The following TMEM156 variants were observed in gnomAD, a reference collection of about 807,000 sequenced individuals.
TMEM156 encodes transmembrane protein 156.
In TMEM156, 28 loss-of-function variants were observed where a neutral mutation model predicts 30.5. That is an observed-to-expected ratio of 0.92 (90% CI 0.68 to 1.26). The LOEUF (loss-of-function observed/expected upper bound fraction) is 1.26. TMEM156 is among the 50% of genes most tolerant of loss of function. TMEM156 has a pLI of 0.00. For missense variants in TMEM156, 351 were observed against 340.6 expected (o/e 1.03, Z -0.24); for synonymous variants, 137 against 119.9 (o/e 1.14, Z -0.93).
chr4:39,025,877 TAAC>T, intron 1 of TMEM156, among the ~76,000 whole-genome samples: 1 of 152,242 alleles, frequency 6.6e-6, no homozygotes, highest in Non-Finnish European at 1.5e-5. Context: ...AATATGAGGA[TAAC>T]ACTTGGCCTG....
chr4:38,985,290 C>G (rs865987574), intron 5 of TMEM156, among the ~76,000 whole-genome samples: 2 of 152,238 alleles, frequency 1.3e-5, no homozygotes, highest in South Asian at 4.1e-4. Context: ...CCACATTTAA[C>G]TGGTGTCAAA....
At chr4:39,002,663 A>G (rs1713450546) in intron 1 of TMEM156, among the ~76,000 whole-genome samples, 1 of 149,798 alleles carries the variant, frequency 6.7e-6, no homozygotes, top group Admixed American at 6.7e-5. Flanking sequence ...GACTGGATTA[A>G]GAAAATGTGG....
At chr4:38,974,787 C>T (rs1229061334) in intron 5 of TMEM156, among the ~76,000 whole-genome samples, 1 of 151,576 alleles carries the variant, frequency 6.6e-6, no homozygotes, top group Non-Finnish European at 1.5e-5. Flanking sequence ...CTTCCTGTCT[C>T]AGCCTCCCAA....
At chr4:39,002,684 C>T (rs1271033150) in intron 1 of TMEM156, among the ~76,000 whole-genome samples, 1 of 149,636 alleles carries the variant, frequency 6.7e-6, no homozygotes, top group Admixed American at 6.7e-5. Flanking sequence ...CACATATACG[C>T]CATGGAATAC....
chr4:39,018,417 T>C lies in TMEM156; in HGVS notation c.88+13809A>G, dbSNP rs1006781488. On this transcript the variant is annotated intron_variant, in intron 1 of 6. Coordinates refer to ENST00000381938, the MANE Select transcript of TMEM156 (RefSeq NM_024943.3). ...TTTAGATTTACTCACATGTTTATAA[T>C]TGTTGTTGAGGTTTTTTTCCCTGCC... Among the ~76,000 whole-genome samples, 44 of 152,206 alleles carry C rather than the reference T, an allele frequency of 2.9e-4. 1 individual carries two copies. Among genetic ancestry groups the C allele is most frequent in the Non-Finnish European group, 8.8e-5 (6 of 68,032 alleles).
At chr4:38,981,703 G>T (rs1415828177) in intron 5 of TMEM156, among the ~76,000 whole-genome samples, 1 of 152,178 alleles carries the variant, frequency 6.6e-6, no homozygotes, top group Non-Finnish European at 1.5e-5. Flanking sequence ...AAAAAAAACG[G>T]AGTTTTGAAA....
intron 6 of TMEM156, among the ~76,000 whole-genome samples, chr4:38,970,313 C>G (rs1310920534): frequency 6.6e-6 from 1 of 152,106 alleles, no homozygotes; most frequent in African/African-American, 2.4e-5. Flanking sequence ...GTTTAATATG[C>G]CCTTCATTAA....
At chr4:38,996,387 C>G (rs1214985718) in intron 2 of TMEM156, among the ~76,000 whole-genome samples, 1 of 150,218 alleles carries the variant, frequency 6.7e-6, no homozygotes, top group Non-Finnish European at 1.5e-5. Context: ...ATGGTGAAAC[C>G]CCGTCTCTAC....
At chr4:38,998,976 AC>A in intron 1 of TMEM156, 67 bp from the exon 2 acceptor site, 1 of 1,413,560 alleles carries the variant, frequency 7.1e-7, no homozygotes, top group South Asian at 1.4e-5. Context: ...TCAAATAAAT[AC>A]ACAGTATGCT....
chr4:38,978,988 C>G (rs1560356793), intron 5 of TMEM156, among the ~76,000 whole-genome samples: 1 of 152,174 alleles, frequency 6.6e-6, no homozygotes, highest in Non-Finnish European at 1.5e-5. Flanking sequence ...ACATCTGTTT[C>G]CTGTGATTTG....
In TMEM156 at chr4:39,015,901, T is replaced by C. The variant is rs1348145892; in HGVS notation, c.88+16325A>G. 5.3e-5 allele frequency among the ~76,000 whole-genome samples: 8 copies of C among 152,276 alleles called. No individual in the cohort carries two copies. In the East Asian group the frequency reaches 1.4e-3, roughly 26 times the overall value. The stretch of plus-strand genomic sequence containing the variant: ...CATTCCCTCTTTGCCTGCCACCAAG[T>C]ACAAAGTCCTTCCGCCTTCCACCAT... On this transcript the variant is annotated intron_variant, in intron 1 of 6. Coordinates refer to ENST00000381938, the MANE Select transcript of TMEM156 (RefSeq NM_024943.3).
chr4:38,969,032 T>A (rs1446715357), intron 6 of TMEM156, among the ~76,000 whole-genome samples: 1 of 152,224 alleles, frequency 6.6e-6, no homozygotes, highest in Non-Finnish European at 1.5e-5. Context: ...TGTTAACTTT[T>A]GTTCTATGTA....
intron 5 of TMEM156, among the ~76,000 whole-genome samples, chr4:38,984,251 T>C (rs1289128870): frequency 3.9e-5 from 6 of 152,124 alleles, no homozygotes; most frequent in Admixed American, 3.9e-4. Context: ...TGGTAATCTC[T>C]CCTTATTTCT....
chr4:38,982,173 T>TC (rs1711611204), intron 5 of TMEM156, among the ~76,000 whole-genome samples: 1 of 152,310 alleles, frequency 6.6e-6, no homozygotes, highest in South Asian at 2.1e-4. Flanking sequence ...TCTTCTGGAC[T>TC]CCATCTTTCT....
intron 2 of TMEM156, among the ~76,000 whole-genome samples, chr4:38,997,701 A>G (rs1713029439): frequency 6.6e-6 from 1 of 152,212 alleles, no homozygotes; most frequent in South Asian, 2.1e-4. Flanking sequence ...TAATTAAATA[A>G]TATAGATTGG....
rs147269086 is a variant in TMEM156 at position 38,973,313 on chromosome 4, A to G, written c.824-2176T>C. ...TTTTATTTATTTAGGAAGAATTAGCATCTTTATATATTCGTCTTCCTCTTC... is the reference window on the plus strand; with the variant it reads ...TTTTATTTATTTAGGAAGAATTAGCGTCTTTATATATTCGTCTTCCTCTTC... On this transcript the variant is annotated intron_variant, in intron 5 of 6. Coordinates refer to ENST00000381938, the MANE Select transcript of TMEM156 (RefSeq NM_024943.3). Among the ~76,000 whole-genome samples the G allele has an allele frequency of 1.4e-3, 209 of 152,280 alleles. 1 individual carries two copies. The highest frequency in any genetic ancestry group is 4.8e-3 in the African/African-American group (201 of 41,578).
chr4:39,014,605 A>G (rs924934030), intron 1 of TMEM156, among the ~76,000 whole-genome samples: 3 of 152,040 alleles, frequency 2.0e-5, no homozygotes, highest in African/African-American at 7.2e-5. Flanking sequence ...ATAAAAATAC[A>G]AAAATTAGCT....
intron 5 of TMEM156, among the ~76,000 whole-genome samples, chr4:38,979,475 G>T (rs753704836): frequency 2.2e-4 from 33 of 152,212 alleles, no homozygotes; most frequent in Admixed American, 8.5e-4. Flanking sequence ...TTATACTTGG[G>T]AAAATAGAAA....
intron 1 of TMEM156, among the ~76,000 whole-genome samples, chr4:39,003,454 C>G (rs1485278891): frequency 2.0e-5 from 3 of 152,080 alleles, no homozygotes; most frequent in Admixed American, 1.3e-4. Flanking sequence ...TCTGCCTCAC[C>G]CTCCTGAATA....
Sources: gnomAD v4.1 joint callset for allele counts (sites outside exome capture counted in the v4.1 genomes callset) on GRCh38, gnomAD v4.1.1 for gene constraint, MANE v1.5 for transcripts, NCBI Gene and HGNC (gene_info 2026-07-23, HGNC 2026-07-21) for gene names.